CDH23: variants seen among roughly 807,000 people sequenced by gnomAD.
CDH23 encodes cadherin-23.
In CDH23, 189 loss-of-function variants were observed where a neutral mutation model predicts 317.1. That is an observed-to-expected ratio of 0.60 (90% CI 0.53 to 0.67). The LOEUF is 0.67. CDH23 is among the 30% of genes least tolerant of loss of function. The pLI, the probability that CDH23 is intolerant of heterozygous loss-of-function variation, is 0.00. For synonymous variants in CDH23, 1,839 were observed against 1,876.8 expected, an observed-to-expected ratio of 0.98 and a Z score of 0.52; for missense variants, 4,401 against 4,592.4, an observed-to-expected ratio of 0.96 and a Z score of 1.20.
chr10:71,777,776 G>A lies in CDH23; in HGVS notation c.4942G>A (p.Asp1648Asn). Reference sequence around the variant, plus strand: ...TGAGGTGCTGCTGGATGAGGGCCCAGACACGCTCAACACCAGCCTCATCAC... The same window carrying A: ...TGAGGTGCTGCTGGATGAGGGCCCAAACACGCTCAACACCAGCCTCATCAC... The part of the protein sequence containing the change: ...HYEVLLDEGP[D>N]TLNTSLITIQ... Residue 1648 changes from aspartate (D) to asparagine (N), a missense_variant, in exon 39 of 70, where the codon GAC (aspartate) becomes AAC (asparagine). Around this residue, in one of 3 missense-constraint regions of CDH23, gnomAD observed 3,068 missense variants for 3,203.3 expected, o/e 0.96. Coordinates refer to ENST00000224721, the MANE Select transcript of CDH23 (RefSeq NM_022124.6). The A allele has an allele frequency of 1.9e-6, 3 of 1,613,854 alleles. No individual in the cohort carries two copies. Among genetic ancestry groups the A allele is most frequent in the Non-Finnish European group, 2.5e-6 (3 of 1,179,848 alleles).
At chr10:71,549,314 T>A (rs1856455687) in intron 6 of CDH23, among the ~76,000 whole-genome samples, 1 of 152,148 alleles carries the variant, frequency 6.6e-6, no homozygotes, top group Non-Finnish European at 1.5e-5. Flanking sequence ...CAGAAAGCTG[T>A]TGTAAGTGAA....
At chr10:71,705,391 C>T (rs1414920322) in intron 25 of CDH23, among the ~76,000 whole-genome samples, 1 of 152,196 alleles carries the variant, frequency 6.6e-6, no homozygotes, top group Non-Finnish European at 1.5e-5. Flanking sequence ...TCAACCCCAC[C>T]CCTCCTAGCC....
chr10:71,679,665 C>T (rs1864531422), intron 17 of CDH23, among the ~76,000 whole-genome samples, 173 bp downstream of exon 17: 2 of 152,350 alleles, frequency 1.3e-5, no homozygotes, highest in South Asian at 2.1e-4. Flanking sequence ...CTGAGTCGCC[C>T]TTCCGTAGGG....
chr10:71,440,660 G>A lies in CDH23; in HGVS notation c.67+762G>A, dbSNP rs948689736. On this transcript the variant is annotated intron_variant, in intron 2 of 69. Coordinates refer to ENST00000224721, the MANE Select transcript of CDH23 (RefSeq NM_022124.6). ...TCAGAGTGCCAGCTCCAGAGCCCAC[G>A]GAGGAGGGTAGGAGAGGCCTGGGCA... 3.3e-5 allele frequency among the ~76,000 whole-genome samples: 5 copies of A among 152,300 alleles called. 1 individual carries two copies. Among genetic ancestry groups the A allele is most frequent in the East Asian group, 3.9e-4 (2 of 5,180 alleles).
chr10:71,497,135 G>A (rs2132157483), intron 3 of CDH23, among the ~76,000 whole-genome samples: 1 of 152,308 alleles, frequency 6.6e-6, no homozygotes, highest in Middle Eastern at 3.4e-3. Flanking sequence ...GAGAAGGAAG[G>A]AACCAGCATG....
chr10:71,594,734 G>A (rs116663710), intron 9 of CDH23, among the ~76,000 whole-genome samples: 153 of 152,194 alleles, frequency 1.0e-3, no homozygotes, highest in African/African-American at 3.6e-3. Context: ...TGCAAAGTTT[G>A]AAATATTCAC....
intron 9 of CDH23, among the ~76,000 whole-genome samples, chr10:71,602,086 G>A (rs1323564741): frequency 6.6e-6 from 1 of 152,174 alleles, no homozygotes. Context: ...AACCTCGTCC[G>A]ACCACATCTA....
At chr10:71,736,861 A>G (rs1027345957) in intron 34 of CDH23, among the ~76,000 whole-genome samples, 1 of 152,220 alleles carries the variant, frequency 6.6e-6, no homozygotes, top group African/African-American at 2.4e-5. Flanking sequence ...CCTGAGAGAA[A>G]GCCTATAATA....
chr10:71,777,025 T>C (rs549210022), intron 38 of CDH23, among the ~76,000 whole-genome samples: 5 of 152,238 alleles, frequency 3.3e-5, no homozygotes, highest in Non-Finnish European at 7.3e-5. Context: ...GACTCAAGCA[T>C]TGGCAGAGAT....
intron 6 of CDH23, among the ~76,000 whole-genome samples, chr10:71,525,512 C>A (rs528816332): frequency 6.6e-6 from 1 of 152,146 alleles, no homozygotes; most frequent in Non-Finnish European, 1.5e-5. Flanking sequence ...GAGGGCCAGC[C>A]GTGGGCAGAG....
At chr10:71,477,255 G>A (rs558456570) in intron 3 of CDH23, among the ~76,000 whole-genome samples, 42 of 152,222 alleles carry the variant, frequency 2.8e-4, no homozygotes, top group Non-Finnish European at 2.4e-4. Flanking sequence ...TGCAACCTCC[G>A]CCTCCCAGGT....
intron 8 of CDH23, among the ~76,000 whole-genome samples, chr10:71,571,240 A>T (rs1363643342): frequency 1.3e-5 from 2 of 152,220 alleles, no homozygotes; most frequent in African/African-American, 4.8e-5. Context: ...TGTGCTGAAG[A>T]ATGGACTCAG....
In CDH23 at chr10:71,807,402, C is replaced by A. The variant is rs760929762; in HGVS notation, c.8304C>A (p.Ile2768=). ...EGPNAIVYYF[I]AAGNEEKNFH... Reference sequence around the variant, plus strand: ...CCAACGCGATCGTGTACTACTTCATCGCAGGTGGGGCCAGACAGAGCTAGT... The same window carrying A: ...CCAACGCGATCGTGTACTACTTCATAGCAGGTGGGGCCAGACAGAGCTAGT... Residue 2768 remains isoleucine (I), a synonymous_variant, in exon 58 of 70, where the codon ATC becomes ATA. Transcript: ENST00000224721. 1.9e-6 allele frequency: 3 copies of A among 1,613,754 alleles called. No individual in the cohort carries two copies. The highest frequency in any genetic ancestry group is 8.5e-7 in the Non-Finnish European group (1 of 1,179,814).
At chr10:71,400,289 G>A (rs1352653648) in intron 1 of CDH23, among the ~76,000 whole-genome samples, 4 of 152,210 alleles carry the variant, frequency 2.6e-5, no homozygotes, top group African/African-American at 9.7e-5. Flanking sequence ...GTAGCCGATG[G>A]TGTCACAGGT....
chr10:71,792,648 C>T (rs1841282024), intron 47 of CDH23, among the ~76,000 whole-genome samples: 1 of 150,598 alleles, frequency 6.6e-6, no homozygotes, highest in Non-Finnish European at 1.5e-5. Context: ...TGGAGAAACC[C>T]TTTCTCTACT....
rs115803867 is a variant in CDH23 at position 71,510,477 on chromosome 10, T to G, written c.288+253T>G. Among the ~76,000 whole-genome samples, 3,231 of 152,188 alleles carry G rather than the reference T, an allele frequency of 0.021. 98 individuals carry two copies. The highest frequency in any genetic ancestry group is 0.066 in the African/African-American group (2,752 of 41,496). ...AGAGGCAAGAGGGACAGTGACCCTG[T>G]GTTCATCCCTTGTAGAATGGCCCTC... On this transcript the variant is annotated intron_variant, in intron 4 of 69. Coordinates refer to ENST00000224721, the MANE Select transcript of CDH23 (RefSeq NM_022124.6).
chr10:71,423,617 T>C (rs1171201501), intron 1 of CDH23, among the ~76,000 whole-genome samples: 1 of 152,126 alleles, frequency 6.6e-6, no homozygotes, highest in African/African-American at 2.4e-5. Flanking sequence ...GAGAAGCTGG[T>C]GGCAGGAGGT....
At chr10:71,412,387 G>A (rs1182258067) in intron 1 of CDH23, among the ~76,000 whole-genome samples, 3 of 152,200 alleles carry the variant, frequency 2.0e-5, no homozygotes, top group African/African-American at 4.8e-5. Context: ...CTGCCGTACT[G>A]TTTTCCATTG....
chr10:71,750,412 C>T (rs573090263), intron 38 of CDH23: 3 of 149,896 alleles, frequency 2.0e-5, no homozygotes, highest in East Asian at 2.0e-4. Context: ...TGCAATGGCC[C>T]GCGCTGAGCA....
Sources: gnomAD v4.1 joint callset for allele counts (sites outside exome capture counted in the v4.1 genomes callset) on GRCh38, gnomAD v4.1.1 for gene constraint, gnomAD v4.1.1 regional missense constraint, MANE v1.5 for transcripts, NCBI Gene and HGNC (gene_info 2026-07-23, HGNC 2026-07-21) for gene names.